The following CLCN4 variants were observed in gnomAD, a reference collection of about 807,000 sequenced individuals.
The protein encoded by CLCN4 is H(+)/Cl(-) exchange transporter 4.
Under a neutral mutation model 41.7 loss-of-function variants are expected in CLCN4, and 1 was observed. The observed-to-expected ratio is 0.02, with a 90% CI of 0.01 to 0.11. The LOEUF is 0.11. Among genes scored for constraint, CLCN4 ranks in the 10% least tolerant of loss-of-function variants. CLCN4 has a pLI of 1.00. For missense variants in CLCN4, 287 were observed against 661.0 expected, an observed-to-expected ratio of 0.43 and a Z score of 6.20; for synonymous variants, 277 against 285.8, an observed-to-expected ratio of 0.97 and a Z score of 0.31.
Position 10,170,537 on chromosome X carries a change from G to T in CLCN4, c.-12+11986G>T, listed in dbSNP as rs185800359. ...GGAAGGGAACAAAAGGTTATACTAGGCCAGTGGCTCTTAATGTGCGCCCTT... is the reference window on the plus strand; with the variant it reads ...GGAAGGGAACAAAAGGTTATACTAGTCCAGTGGCTCTTAATGTGCGCCCTT... On this transcript the variant is annotated intron_variant, in intron 2 of 12. Coordinates refer to ENST00000380833, the MANE Select transcript of CLCN4 (RefSeq NM_001830.4). Among the ~76,000 whole-genome samples, 4 of 112,131 alleles carry T rather than the reference G, an allele frequency of 3.6e-5. No individual in the cohort carries two copies. In the East Asian group the frequency reaches 1.1e-3, roughly 31 times the overall value.
intron 2 of CLCN4, among the ~76,000 whole-genome samples, chrX:10,183,032 T>G (rs1237607052): frequency 3.6e-5 from 4 of 112,259 alleles, no homozygotes. Context: ...AAGGGCTCTC[T>G]TGGAGGGTCA....
rs763012887 is a variant in CLCN4, at chrX:10,176,770, C to A, written c.-11-8252C>A. Among the ~76,000 whole-genome samples the A allele has an allele frequency of 1.1e-3, 120 of 112,408 alleles. 1 individual carries two copies. The highest frequency in any genetic ancestry group is 3.7e-3 in the African/African-American group (114 of 30,941). On this transcript the variant is annotated intron_variant, in intron 2 of 12. Coordinates refer to ENST00000380833, the MANE Select transcript of CLCN4 (RefSeq NM_001830.4). ...TAGAGCAAGTTGGCAAATAATCTGA[C>A]ATGGTCTGATTTGGGAGGGGAATAC... is the stretch of plus-strand genomic sequence containing the variant.
At position 10,185,007 on chromosome X, in the gene CLCN4, G is replaced by A. The variant is rs746757102; in HGVS notation, c.-11-15G>A. 2 of 1,177,548 alleles carry A rather than the reference G, an allele frequency of 1.7e-6. No homozygotes were observed. The highest frequency in any genetic ancestry group is 6.0e-5 in the East Asian group (2 of 33,240). On this transcript the variant is annotated splice_polypyrimidine_tract_variant and intron_variant, in intron 2 of 12. Coordinates refer to ENST00000380833, the MANE Select transcript of CLCN4 (RefSeq NM_001830.4). ...TGTCCTGCTCATGTCTTTAACGACC[G>A]GTTTTCTTGCCCAGGTGTAATTAGC... is the stretch of plus-strand genomic sequence containing the variant.
At chrX:10,181,393 GAAA>G (rs1250772040) in intron 2 of CLCN4, among the ~76,000 whole-genome samples, 2 of 109,455 alleles carry the variant, frequency 1.8e-5, no homozygotes, top group Non-Finnish European at 3.8e-5. Flanking sequence ...AGAAAAGAAA[GAAA>G]AAGAAAGAAT....
intron 2 of CLCN4, among the ~76,000 whole-genome samples, chrX:10,162,757 T>C (rs1363033539): frequency 8.9e-6 from 1 of 112,639 alleles, no homozygotes; most frequent in Non-Finnish European, 1.9e-5. Flanking sequence ...GTCAGAATAT[T>C]GTGAAATGTT....
At chrX:10,186,660 A>T (rs1923821864) in intron 3 of CLCN4, among the ~76,000 whole-genome samples, 1 of 111,205 alleles carries the variant, frequency 9.0e-6, no homozygotes, top group Non-Finnish European at 1.9e-5. Flanking sequence ...CTCAGTCATG[A>T]AGATGTTGCA....
Position 10,220,780 on chromosome X carries a change from C to T in CLCN4, c.2095C>T (p.Leu699Phe). Reference protein sequence around the residue: ...HPLKLRRILNLSPFTVTDHTP... With the variant: ...HPLKLRRILNFSPFTVTDHTP... ...CCTGAAGCTGCGGCGCATCCTGAAC[C>T]TCAGCCCGTTTACAGTGACAGACCA... The change falls in exon 12 of 13, where the codon CTC becomes TTC. Residue 699 changes from leucine (L) to phenylalanine (F), a missense_variant. This residue lies in a region of CLCN4 where 71 missense variants were observed against 104.5 expected (regional missense o/e 0.68). Transcript: ENST00000380833. 1 of 1,211,907 alleles carries T rather than the reference C, an allele frequency of 8.3e-7. No individual in the cohort carries two copies. Among genetic ancestry groups the T allele is most frequent in the Non-Finnish European group, 1.1e-6 (1 of 895,402 alleles).
chrX:10,167,100 T>A (rs1368534126), intron 2 of CLCN4, among the ~76,000 whole-genome samples: 1 of 112,372 alleles, frequency 8.9e-6, no homozygotes, highest in Non-Finnish European at 1.9e-5. Flanking sequence ...CTCCGCTGGT[T>A]CGAGGCAGAA....
chrX:10,204,031 A>G (rs912625860), intron 6 of CLCN4, among the ~76,000 whole-genome samples: 1 of 112,089 alleles, frequency 8.9e-6, no homozygotes, highest in Non-Finnish European at 1.9e-5. Flanking sequence ...CTAACCCGGC[A>G]GTAAACATTC....
chrX:10,197,762 T>C (rs988460970), intron 5 of CLCN4, among the ~76,000 whole-genome samples, 177 bp from the exon 6 acceptor site: 1 of 111,747 alleles, frequency 8.9e-6, no homozygotes, highest in Non-Finnish European at 1.9e-5. Context: ...GTACTGACTG[T>C]AGCAATAGCA....
intron 5 of CLCN4, 61 bp downstream of exon 5, chrX:10,195,159 G>A (rs1924064690): frequency 9.5e-7 from 1 of 1,055,036 alleles, no homozygotes; most frequent in Non-Finnish European, 1.3e-6. Flanking sequence ...GCTTGGGAAT[G>A]CTGCTGGGAG....
At chrX:10,181,351 C>T (rs1376866539) in intron 2 of CLCN4, among the ~76,000 whole-genome samples, 1 of 92,910 alleles carries the variant, frequency 1.1e-5, no homozygotes, top group African/African-American at 4.5e-5. Flanking sequence ...AGAGTGAGAC[C>T]CTGAAAAAAA....
At chrX:10,177,840 T>G (rs1227796333) in intron 2 of CLCN4, among the ~76,000 whole-genome samples, 1 of 112,016 alleles carries the variant, frequency 8.9e-6, no homozygotes. Context: ...CCTAACAGCC[T>G]TATTCATAAT....
chrX:10,206,133 T>C (rs977468479), intron 6 of CLCN4, among the ~76,000 whole-genome samples: 1 of 112,362 alleles, frequency 8.9e-6, no homozygotes, highest in Non-Finnish European at 1.9e-5. Context: ...CAGTCCTCTT[T>C]AGGATCTTTT....
At chrX:10,205,336 G>A (rs1440651469) in intron 6 of CLCN4, among the ~76,000 whole-genome samples, 1 of 109,327 alleles carries the variant, frequency 9.1e-6, no homozygotes, top group Non-Finnish European at 1.9e-5. Context: ...AGCCGGGCAT[G>A]ATGGCGGGTG....
At chrX:10,219,603 G>C (rs1272643132) in intron 11 of CLCN4, among the ~76,000 whole-genome samples, 1 of 112,245 alleles carries the variant, frequency 8.9e-6, no homozygotes, top group African/African-American at 3.2e-5. Flanking sequence ...CCTGACCCCA[G>C]ATGCTGCCAG....
intron 2 of CLCN4, among the ~76,000 whole-genome samples, chrX:10,173,232 T>C (rs1314965773): frequency 9.0e-6 from 1 of 111,276 alleles, no homozygotes; most frequent in African/African-American, 3.3e-5. Flanking sequence ...TCAAATGCAG[T>C]CTTGGGCCAC....
chrX:10,228,618 T>C (rs191410399), intron 12 of CLCN4, among the ~76,000 whole-genome samples: 53 of 111,812 alleles, frequency 4.7e-4, no homozygotes, highest in African/African-American at 1.6e-3. Context: ...CTGTGTCCCA[T>C]GCTGACGGTG....
At chrX:10,184,658 G>T (rs1487866974) in intron 2 of CLCN4, among the ~76,000 whole-genome samples, 1 of 112,042 alleles carries the variant, frequency 8.9e-6, no homozygotes, top group Admixed American at 9.5e-5. Flanking sequence ...TGATAGTGCT[G>T]CTGGCTGTGA....
Sources: gnomAD v4.1 joint callset for allele counts (sites outside exome capture counted in the v4.1 genomes callset) on GRCh38, gnomAD v4.1.1 for gene constraint, gnomAD v4.1.1 regional missense constraint, MANE v1.5 for transcripts, NCBI Gene and HGNC (gene_info 2026-07-23, HGNC 2026-07-21) for gene names.